TRPM6: variants seen among roughly 807,000 people sequenced by gnomAD.
The protein encoded by TRPM6 is transient receptor potential cation channel subfamily M member 6.
In TRPM6, 111 loss-of-function variants were observed where a neutral mutation model predicts 247.6. That is an observed-to-expected ratio of 0.45 (90% CI 0.38 to 0.52). The LOEUF (loss-of-function observed/expected upper bound fraction) is 0.52, where lower values mean the gene tolerates loss of function less well. Among genes scored for constraint, TRPM6 ranks in the 20% least tolerant of loss-of-function variants. The pLI is 0.00. For synonymous variants in TRPM6, 892 were observed against 853.8 expected, an observed-to-expected ratio of 1.04 and a Z score of -0.78; for missense variants, 2,126 against 2,421.5, an observed-to-expected ratio of 0.88 and a Z score of 2.56.
chr9:74,764,590 G>A (rs556393478), intron 25 of TRPM6, among the ~76,000 whole-genome samples: 1 of 152,314 alleles, frequency 6.6e-6, no homozygotes, highest in African/African-American at 2.4e-5. Context: ...AGAAGTCTGA[G>A]ACAATAAAGT....
At chr9:74,759,412 A>G (rs1233006160) in intron 27 of TRPM6, among the ~76,000 whole-genome samples, 2 of 152,180 alleles carry the variant, frequency 1.3e-5, no homozygotes, top group Admixed American at 6.5e-5. Context: ...TGATCCATAC[A>G]TATTGTGATC....
chr9:74,862,402 G>GT (rs999670934), intron 1 of TRPM6, among the ~76,000 whole-genome samples: 3 of 152,138 alleles, frequency 2.0e-5, no homozygotes, highest in Non-Finnish European at 4.4e-5. Context: ...TCGACTGGAT[G>GT]TTTTTTGCTT....
Position 74,738,415 on chromosome 9 carries a change from T to A in TRPM6, c.5768A>T (p.Asp1923Val). The A allele has an allele frequency of 6.2e-7, 1 of 1,613,848 alleles. No individual in the cohort carries two copies. ...EYTRGELLVL[D>V]LQGVGENLTD... ...CCTACATCATCAATCACCTTGCAAATCTAAAACCAGCAGCTCTCCCCGAGT... is the reference window on the plus strand; with the variant it reads ...CCTACATCATCAATCACCTTGCAAAACTAAAACCAGCAGCTCTCCCCGAGT... The change falls in exon 36 of 39, where the codon GAT (aspartate) becomes GTT (valine). Residue 1923 changes from aspartate to valine, a missense_variant. Asp to Val is a radical substitution (Grantham distance 152). Around this residue, in one of 3 missense-constraint regions of TRPM6, gnomAD observed 327 missense variants for 397.7 expected, o/e 0.82. Transcript: ENST00000360774.
chr9:74,766,771 G>A (rs891807973), intron 25 of TRPM6, among the ~76,000 whole-genome samples: 3 of 151,920 alleles, frequency 2.0e-5, no homozygotes, highest in Admixed American at 6.6e-5. Flanking sequence ...ATAGCCGGGC[G>A]TGGTGGCAGG....
intron 36 of TRPM6, among the ~76,000 whole-genome samples, chr9:74,735,030 T>C (rs1229787803): frequency 6.6e-6 from 1 of 151,938 alleles, no homozygotes; most frequent in East Asian, 1.9e-4. Context: ...CTGGCCAACA[T>C]GGTGAAACCC....
At chr9:74,823,144 C>A (rs1359079744) in intron 7 of TRPM6, among the ~76,000 whole-genome samples, 2 of 152,120 alleles carry the variant, frequency 1.3e-5, no homozygotes, top group Non-Finnish European at 2.9e-5. Context: ...CACCCCTGAG[C>A]AAAAGAGGAC....
At chr9:74,747,997 C>T (rs1826109846) in intron 30 of TRPM6, 83 bp from the exon 31 acceptor site, 1 of 1,179,458 alleles carries the variant, frequency 8.5e-7, no homozygotes, top group Admixed American at 1.7e-5. Context: ...GCACATGGAA[C>T]AGTAACAACA....
At chr9:74,770,947 A>G (rs1451683610) in intron 25 of TRPM6, among the ~76,000 whole-genome samples, 1 of 152,026 alleles carries the variant, frequency 6.6e-6, no homozygotes, top group Admixed American at 6.6e-5. Context: ...TGCTTCTCCT[A>G]TTCTGTCTTC....
chr9:74,749,743 T>C (rs1283237261), intron 30 of TRPM6, among the ~76,000 whole-genome samples: 1 of 152,202 alleles, frequency 6.6e-6, no homozygotes, highest in Non-Finnish European at 1.5e-5. Context: ...AATTTCATGC[T>C]GCAATAAACC....
intron 23 of TRPM6, among the ~76,000 whole-genome samples, chr9:74,781,279 T>C (rs1242031242): frequency 6.6e-6 from 1 of 152,102 alleles, no homozygotes; most frequent in Admixed American, 6.5e-5. Flanking sequence ...CTCACTCCTA[T>C]AATCCCAGCA....
intron 25 of TRPM6, among the ~76,000 whole-genome samples, chr9:74,764,754 T>G (rs1226158151): frequency 6.6e-6 from 1 of 152,132 alleles, no homozygotes; most frequent in African/African-American, 2.4e-5. Context: ...ATACAAAGGC[T>G]TAAAACAAAA....
intron 20 of TRPM6, among the ~76,000 whole-genome samples, chr9:74,787,932 G>T (rs923836946): frequency 4.6e-5 from 7 of 151,944 alleles, no homozygotes; most frequent in Non-Finnish European, 8.8e-5. Context: ...AGCCAAGATG[G>T]TCTCGATCTC....
intron 25 of TRPM6, among the ~76,000 whole-genome samples, chr9:74,763,885 T>C (rs1330661999): frequency 1.3e-5 from 2 of 152,190 alleles, no homozygotes; most frequent in African/African-American, 2.4e-5. Context: ...CCAAGTGCAA[T>C]GGCTCAGGCC....
At position 74,724,726 on chromosome 9, in the gene TRPM6, AATAGTC is replaced by A; in HGVS notation, c.5950_5955del (p.Asp1984_Tyr1985del). 1 of 1,614,070 alleles carries A rather than the reference AATAGTC, an allele frequency of 6.2e-7. No individual in the cohort carries two copies. On this transcript the variant is annotated inframe_deletion, in exon 39 of 39. Transcript: ENST00000360774. ...AAGGTGGAATTTATCCTTTCAGGGGAATAGTCATTTCTTTTTAAATCTGCAAGGAGG... is the reference window on the plus strand; with the variant it reads ...AAGGTGGAATTTATCCTTTCAGGGGAATTTCTTTTTAAATCTGCAAGGAGG...
chr9:74,823,207 C>T (rs971649151), intron 7 of TRPM6, among the ~76,000 whole-genome samples: 1 of 152,220 alleles, frequency 6.6e-6, no homozygotes, highest in African/African-American at 2.4e-5. Context: ...CCTCTGGCCA[C>T]ACCCCTGCCC....
intron 15 of TRPM6, among the ~76,000 whole-genome samples, chr9:74,803,026 A>G (rs1245622007): frequency 6.6e-6 from 1 of 152,212 alleles, no homozygotes; most frequent in Non-Finnish European, 1.5e-5. Context: ...AATACTAAAG[A>G]TTCAATAATT....
At chr9:74,820,762 A>T (rs1047806432) in intron 8 of TRPM6, among the ~76,000 whole-genome samples, 1 of 152,144 alleles carries the variant, frequency 6.6e-6, no homozygotes, top group African/African-American at 2.4e-5. Context: ...AAGAAGAAAG[A>T]AAGTGAGAAT....
intron 29 of TRPM6, 31 bp downstream of exon 29, chr9:74,752,246 C>CT (rs578136102): frequency 2.6e-3 from 3,059 of 1,167,788 alleles, no homozygotes; most frequent in Non-Finnish European, 3.2e-3. Context: ...TGCTCGAATG[C>CT]TTTTTTTTTT....
Position 74,739,415 on chromosome 9 carries a change from A to T in TRPM6, c.5522T>A (p.Ile1841Asn). The change falls in exon 35 of 39, where the codon ATC becomes AAC. Residue 1841 changes from isoleucine to asparagine, a missense_variant. Ile to Asn is a moderately radical substitution (Grantham distance 149). Around this residue, in one of 3 missense-constraint regions of TRPM6, gnomAD observed 327 missense variants for 397.7 expected, o/e 0.82. Coordinates refer to ENST00000360774, the MANE Select transcript of TRPM6 (RefSeq NM_017662.5). ...IQQQRAAQKL[I>N]YTFNQVKPQT... ...TGGTTTCACTTGGTTGAAGGTATAGATCAATTTTTGAGCAGCTCTTTGTTG... is the reference window on the plus strand; with the variant it reads ...TGGTTTCACTTGGTTGAAGGTATAGTTCAATTTTTGAGCAGCTCTTTGTTG... 6.2e-7 allele frequency: 1 copy of T among 1,614,134 alleles called. No individual in the cohort carries two copies. The highest frequency in any genetic ancestry group is 8.5e-7 in the Non-Finnish European group (1 of 1,180,010).
Sources: gnomAD v4.1 joint callset for allele counts (sites outside exome capture counted in the v4.1 genomes callset) on GRCh38, gnomAD v4.1.1 for gene constraint, gnomAD v4.1.1 regional missense constraint, MANE v1.5 for transcripts, NCBI Gene and HGNC (gene_info 2026-07-23, HGNC 2026-07-21) for gene names.